Variants in ARMH4 observed in about 807,000 individuals in gnomAD.
ARMH4 encodes armadillo-like helical domain-containing protein 4.
Under a neutral mutation model 61.9 loss-of-function variants are expected in ARMH4, and 49 were observed. The ratio of observed to expected loss-of-function variants is 0.79; its 90% CI spans 0.63 to 1.00. The LOEUF is 1.00. Among genes scored for constraint, ARMH4 ranks in the 50% least tolerant of loss-of-function variants. The pLI, the probability that ARMH4 is intolerant of heterozygous loss-of-function variation, is 0.00. For missense variants in ARMH4, 934 were observed against 930.0 expected (o/e 1.00, Z -0.06); for synonymous variants, 368 against 341.5 (o/e 1.08, Z -0.85).
intron 1 of ARMH4, among the ~76,000 whole-genome samples, chr14:58,144,986 T>TC (rs1181376243): frequency 6.6e-6 from 1 of 152,232 alleles, no homozygotes; most frequent in African/African-American, 2.4e-5. Flanking sequence ...ATCTATATAG[T>TC]CGAACAGTCA....
intron 5 of ARMH4, among the ~76,000 whole-genome samples, chr14:58,089,734 G>C (rs1172806149): frequency 1.3e-5 from 2 of 152,186 alleles, no homozygotes; most frequent in African/African-American, 4.8e-5. Flanking sequence ...CGCTGTGTGA[G>C]GACAGCAAGG....
At chr14:58,144,906 C>T (rs1315043970) in intron 1 of ARMH4, among the ~76,000 whole-genome samples, 1 of 151,876 alleles carries the variant, frequency 6.6e-6, no homozygotes, top group Admixed American at 6.6e-5. Context: ...AGCTGTGAAA[C>T]AAGAGAATTG....
chr14:58,049,063 C>T (rs765380788), intron 5 of ARMH4, among the ~76,000 whole-genome samples: 1 of 151,708 alleles, frequency 6.6e-6, no homozygotes, highest in Non-Finnish European at 1.5e-5. Context: ...TGGTGAAACC[C>T]CATCTCTATT....
At chr14:58,144,808 C>T (rs1887684413) in intron 1 of ARMH4, among the ~76,000 whole-genome samples, 1 of 152,084 alleles carries the variant, frequency 6.6e-6, no homozygotes, top group Admixed American at 6.5e-5. Flanking sequence ...GCCGAGCTTG[C>T]CGTGAGCCAA....
At chr14:58,086,467 G>A (rs1374800305) in intron 5 of ARMH4, among the ~76,000 whole-genome samples, 1 of 152,118 alleles carries the variant, frequency 6.6e-6, no homozygotes, top group South Asian at 2.1e-4. Context: ...TGATAGCTAA[G>A]CTTAGTGTCA....
rs1887368205 is a variant in ARMH4 at position 58,138,074 on chromosome 14, C to T, written c.1285G>A (p.Asp429Asn). 1 of 1,614,166 alleles carries T rather than the reference C, an allele frequency of 6.2e-7. No homozygotes were observed. Among genetic ancestry groups the T allele is most frequent in the South Asian group, 1.1e-5 (1 of 91,062 alleles). ...GDFTESTKEN[D>N]ALFFLETTVS... is the part of the protein sequence containing the mutation. ...GTGGTTTCTAAGAAAAACAGGGCATCGTTTTCCTTGGTGGATTCCGTGAAG... is the reference window on the plus strand; with the variant it reads ...GTGGTTTCTAAGAAAAACAGGGCATTGTTTTCCTTGGTGGATTCCGTGAAG... The change falls in exon 2 of 8, where the codon GAT becomes AAT. Residue 429 changes from aspartate to asparagine, a missense_variant. Transcript: ENST00000267485.
At chr14:58,105,277 A>G (rs1886133991) in intron 4 of ARMH4, among the ~76,000 whole-genome samples, 1 of 152,202 alleles carries the variant, frequency 6.6e-6, no homozygotes, top group Non-Finnish European at 1.5e-5. Context: ...AATAAACCCC[A>G]AATTTTATTT....
At chr14:58,151,968 C>G (rs909743290) in intron 1 of ARMH4, 107 bp downstream of exon 1, 8 of 152,402 alleles carry the variant, frequency 5.2e-5, no homozygotes, top group African/African-American at 1.9e-4. Context: ...GGGACTGTTA[C>G]GCTCGCGGAG....
chr14:58,048,320 A>C (rs1884007388), intron 5 of ARMH4, among the ~76,000 whole-genome samples: 1 of 152,260 alleles, frequency 6.6e-6, no homozygotes, highest in Non-Finnish European at 1.5e-5. Context: ...ATATAAAGGC[A>C]TCAAGCTACA....
chr14:58,104,856 C>T (rs1301019151), intron 4 of ARMH4, among the ~76,000 whole-genome samples: 1 of 152,108 alleles, frequency 6.6e-6, no homozygotes, highest in African/African-American at 2.4e-5. Context: ...AATGTATAAA[C>T]AATGAGATAG....
chr14:58,127,394 T>C (rs773511195), intron 4 of ARMH4, among the ~76,000 whole-genome samples: 20 of 152,158 alleles, frequency 1.3e-4, no homozygotes, highest in Non-Finnish European at 2.2e-4. Context: ...CTATACAAGC[T>C]CTCTTGCCTG....
Position 58,029,454 on chromosome 14 carries a change from G to C in ARMH4, c.2090-17304C>G, listed in dbSNP as rs574355983. Among the ~76,000 whole-genome samples the C allele has an allele frequency of 9.9e-5, 15 of 152,100 alleles. No individual in the cohort carries two copies. In the East Asian group the frequency reaches 1.7e-3, roughly 18 times the overall value. On this transcript the variant is annotated intron_variant, in intron 5 of 7. Coordinates refer to ENST00000267485, the MANE Select transcript of ARMH4 (RefSeq NM_001001872.4). The stretch of plus-strand genomic sequence containing the variant: ...TCTCCATGTTGGTCAGGCTGGTCTC[G>C]AACTCCTGACCTCAGGTGATCCGCC...
rs79665363 is a variant in ARMH4, at chr14:58,082,236, A to G, written c.2089+14488T>C. ...GATAGTGGATTCCTTTTCCTCAAAT[A>G]CAGTCATCTTGGGAACTCCCAATAT... On this transcript the variant is annotated intron_variant, in intron 5 of 7. Coordinates refer to ENST00000267485, the MANE Select transcript of ARMH4 (RefSeq NM_001001872.4). Among the ~76,000 whole-genome samples, 945 of 152,314 alleles carry G rather than the reference A, an allele frequency of 6.2e-3. 13 individuals are homozygous for G. Among genetic ancestry groups the G allele is most frequent in the African/African-American group, 0.021 (885 of 41,576 alleles).
chr14:58,127,254 T>C (rs1466111450), intron 4 of ARMH4, among the ~76,000 whole-genome samples: 1 of 152,148 alleles, frequency 6.6e-6, no homozygotes, highest in Admixed American at 6.5e-5. Context: ...GTAGCTCCCA[T>C]AATCCCCATG....
chr14:58,120,855 G>T (rs1032844160), intron 4 of ARMH4, among the ~76,000 whole-genome samples: 2 of 152,152 alleles, frequency 1.3e-5, no homozygotes, highest in Non-Finnish European at 2.9e-5. Flanking sequence ...CACAAAGGAC[G>T]CTTTGCAGGG....
chr14:58,019,123 T>A (rs1459767692), intron 5 of ARMH4, among the ~76,000 whole-genome samples: 2 of 151,942 alleles, frequency 1.3e-5, no homozygotes, highest in Non-Finnish European at 2.9e-5. Flanking sequence ...GGGGGTCACG[T>A]TGGAGAGATA....
intron 5 of ARMH4, among the ~76,000 whole-genome samples, chr14:58,075,966 T>C (rs1885031881): frequency 6.6e-6 from 1 of 151,828 alleles, no homozygotes; most frequent in Non-Finnish European, 1.5e-5. Context: ...CAATACCTGG[T>C]ACTTATTAAA....
Position 58,137,640 on chromosome 14 carries a change from C to T in ARMH4, c.1369+350G>A, listed in dbSNP as rs1450160168. ...CTCGAACTCCTGACCTCAAGTAAGCCGCCTGCCTTGGCCTCCCAAAGTGCT... is the reference window on the plus strand; with the variant it reads ...CTCGAACTCCTGACCTCAAGTAAGCTGCCTGCCTTGGCCTCCCAAAGTGCT... On this transcript the variant is annotated intron_variant, in intron 2 of 7. Transcript: ENST00000267485. Among the ~76,000 whole-genome samples, 3 of 152,128 alleles carry T rather than the reference C, an allele frequency of 2.0e-5. 1 individual carries two copies. The highest frequency in any genetic ancestry group is 4.1e-4 in the South Asian group (2 of 4,820).
At chr14:58,103,338 T>C (rs982431933) in intron 4 of ARMH4, among the ~76,000 whole-genome samples, 3 of 152,076 alleles carry the variant, frequency 2.0e-5, no homozygotes, top group Admixed American at 6.5e-5. Context: ...TGTTTGGAAA[T>C]TAATAGATTG....
Sources: gnomAD v4.1 joint callset for allele counts (sites outside exome capture counted in the v4.1 genomes callset) on GRCh38, gnomAD v4.1.1 for gene constraint, MANE v1.5 for transcripts, NCBI Gene and HGNC (gene_info 2026-07-23, HGNC 2026-07-21) for gene names.